AXIN1: variants seen among roughly 807,000 people sequenced by gnomAD.
The protein encoded by AXIN1 is axin 1.
In AXIN1, 30 loss-of-function variants were observed where a neutral mutation model predicts 76.4. That is an observed-to-expected ratio of 0.39 (90% confidence interval 0.29 to 0.53). AXIN1 has a LOEUF of 0.53. Ranked by LOEUF, AXIN1 falls within the 20% of genes least tolerant of loss-of-function variation. The pLI is 0.66. For synonymous variants in AXIN1, 545 were observed against 501.4 expected (o/e 1.09, Z -1.16); for missense variants, 1,140 against 1,198.8 (o/e 0.95, Z 0.72).
intron 5 of AXIN1, among the ~76,000 whole-genome samples, chr16:301,634 A>T (rs925825065): frequency 1.3e-4 from 20 of 152,206 alleles, no homozygotes; most frequent in African/African-American, 4.3e-4. Context: ...CTACAAAAAT[A>T]TTTTTTTTAA....
Position 297,092 on chromosome 16 carries a change from T to C in AXIN1, c.1919A>G (p.Glu640Gly). ...CCTGCGGTGCCTGCTGATCTCCTTT[T>C]CCCCCTCAATGATCCACTGCATGAT... is the stretch of plus-strand genomic sequence containing the variant. ...QKIMQWIIEG[E>G]KEISRHRRTG... Residue 640 changes from glutamate to glycine, a missense_variant, in exon 7 of 11, where the codon GAA becomes GGA. Around this residue, in one of 3 missense-constraint regions of AXIN1, gnomAD observed 429 missense variants for 405.8 expected, o/e 1.06. Transcript: ENST00000262320. The C allele has an allele frequency of 6.2e-7, 1 of 1,612,542 alleles. No individual in the cohort carries two copies. Among genetic ancestry groups the C allele is most frequent in the Non-Finnish European group, 8.5e-7 (1 of 1,179,894 alleles).
Position 293,622 on chromosome 16 carries a change from C to G in AXIN1, c.2052G>C (p.Gln684His), listed in dbSNP as rs755668627. Residue 684 changes from glutamine (Q) to histidine (H), a missense_variant, in exon 8 of 11, where the codon CAG (glutamine) becomes CAC (histidine). Coordinates refer to ENST00000262320, the MANE Select transcript of AXIN1 (RefSeq NM_003502.4). This position sits in a 1 kb window ranked among gnomAD's most constrained non-coding sequence, Gnocchi z 4.6. ...WAGPQLRTSV[Q>H]PSHLFIQDPT... ...GGTCTTGGATGAAGAGGTGGGAGGG[C>G]TGCACGGAGGTCCGGAGCTGAGGGC... The G allele has an allele frequency of 6.2e-7, 1 of 1,613,418 alleles. No individual in the cohort carries two copies. Among genetic ancestry groups the G allele is most frequent in the African/African-American group, 1.3e-5 (1 of 75,012 alleles).
At position 314,694 on chromosome 16, in the gene AXIN1, G is replaced by A. The variant is rs2141594593; in HGVS notation, c.879-11C>T. On this transcript the variant is annotated splice_polypyrimidine_tract_variant and intron_variant, in intron 2 of 10. Transcript: ENST00000262320. The stretch of plus-strand genomic sequence containing the variant: ...CGCCAGGATCCATACCTGCAAACAG[G>A]CAAGCAGGGCATGTTAGTGACAGCC... 2 of 1,613,060 alleles carry A rather than the reference G, an allele frequency of 1.2e-6. No homozygotes were observed. The highest frequency in any genetic ancestry group is 2.2e-5 in the South Asian group (2 of 91,074).
intron 5 of AXIN1, among the ~76,000 whole-genome samples, chr16:302,394 G>T (rs1457495667): frequency 2.6e-5 from 4 of 152,234 alleles, no homozygotes; most frequent in African/African-American, 9.6e-5. Flanking sequence ...TCCACATGGT[G>T]GCAAAACAAT....
At chr16:342,398 G>A (rs1050820225) in intron 2 of AXIN1, among the ~76,000 whole-genome samples, 11 of 152,296 alleles carry the variant, frequency 7.2e-5, no homozygotes, top group African/African-American at 2.2e-4. Context: ...ACACCGGGAC[G>A]ACTAACCGGC....
chr16:288,419 AC>A, intron 10 of AXIN1, 171 bp from the exon 11 acceptor site: 1 of 979,416 alleles, frequency 1.0e-6, no homozygotes, highest in Non-Finnish European at 1.5e-6. Flanking sequence ...CAGTGCAATG[AC>A]CACATGTGGG....
Position 304,181 on chromosome 16 carries a change from G to C in AXIN1, c.1254+123C>G, listed in dbSNP as rs111634891. 2,796 of 1,516,874 alleles carry C rather than the reference G, an allele frequency of 1.8e-3. 31 individuals are homozygous for C. The African/African-American group carries it at 0.027, about 15-fold the overall frequency. The allele number at this position is 1,516,874 out of a possible 1,614,324, so 94.0% of individuals were successfully genotyped here. ...GGGGAACAGGGGACTCAGCCGGGAGGCCTCATGGGTCAGCAGGCCTCGGCC... is the reference window on the plus strand; with the variant it reads ...GGGGAACAGGGGACTCAGCCGGGAGCCCTCATGGGTCAGCAGGCCTCGGCC... On this transcript the variant is annotated intron_variant, in intron 5 of 10. Transcript: ENST00000262320.
chr16:315,354 A>G (rs2053275695), intron 2 of AXIN1, among the ~76,000 whole-genome samples: 1 of 152,160 alleles, frequency 6.6e-6, no homozygotes, highest in Non-Finnish European at 1.5e-5. Context: ...TTATCTGTTC[A>G]TATGGTTTAC....
intron 2 of AXIN1, among the ~76,000 whole-genome samples, chr16:320,815 C>CTACAGCCTCCGCCTCCTGGG (rs1555482208): frequency 7.0e-6 from 1 of 143,570 alleles, no homozygotes; most frequent in African/African-American, 2.7e-5. Flanking sequence ...TCTCGGCTCA[C>CTACAGCCTCCGCCTCCTGGG]TACAACCTCC....
chr16:293,860 G>T lies in AXIN1; in HGVS notation c.1956-142C>A. The T allele has an allele frequency of 1.2e-6, 1 of 800,642 alleles. No homozygotes were observed. 49.6% of individuals were successfully genotyped at this position (800,642 alleles called of 1,614,324 possible). On this transcript the variant is annotated intron_variant, in intron 7 of 10. Transcript: ENST00000262320. This position sits in a 1 kb window ranked among gnomAD's most constrained non-coding sequence, Gnocchi z 4.6. ...CTGGGGCCTGGCCACCAAGCCACAT[G>T]GACGTCCTCCACAGACCACACAATA...
chr16:288,139 C>CTT lies in AXIN1; in HGVS notation c.2570_2571dup (p.Val858LysfsTer81). On this transcript the variant is annotated frameshift_variant, in exon 11 of 11. Coordinates refer to ENST00000262320, the MANE Select transcript of AXIN1 (RefSeq NM_003502.4). LOFTEE classifies it high-confidence loss of function. The stretch of plus-strand genomic sequence containing the variant: ...CCAGCCTATCAGTCCACCTTCTCCA[C>CTT]TTTGCCGATGATCTTCTCCTCAAAG... 6.2e-7 allele frequency: 1 copy of CTT among 1,613,518 alleles called. No homozygotes were observed. The highest frequency in any genetic ancestry group is 8.5e-7 in the Non-Finnish European group (1 of 1,180,012).
At chr16:346,017 C>A (rs746234571) in intron 2 of AXIN1, 131 bp downstream of exon 2, 27 of 874,924 alleles carry the variant, frequency 3.1e-5, no homozygotes, top group Non-Finnish European at 4.2e-5. Flanking sequence ...AAGAACAGAA[C>A]CAAAATTCAA....
intron 10 of AXIN1, 43 bp downstream of exon 10, chr16:289,397 A>C: frequency 6.2e-7 from 1 of 1,610,820 alleles, no homozygotes; most frequent in Non-Finnish European, 8.5e-7. Context: ...TTGGGCACCC[A>C]CATACTCGTG....
chr16:310,044 G>T lies in AXIN1; in HGVS notation c.1045C>A (p.Arg349Ser). The stretch of plus-strand genomic sequence containing the variant: ...TGCATCTCCCTGCGGTGCTGCTTAC[G>T]GATCCTGTATGGGGGGATCCCATCC... ...SVDGIPPYRI[R>S]KQHRREMQES... Residue 349 changes from arginine (R) to serine (S), a missense_variant, in exon 4 of 11, where the codon CGT becomes AGT. Arg to Ser is a moderately radical substitution (Grantham distance 110). This residue lies in a region of AXIN1 where 708 missense variants were observed against 776.9 expected (regional missense o/e 0.91). Transcript: ENST00000262320. 6.2e-7 allele frequency: 1 copy of T among 1,612,700 alleles called. No homozygotes were observed. The highest frequency in any genetic ancestry group is 1.1e-5 in the South Asian group (1 of 90,894).
chr16:320,982 C>CCTG (rs1172579112), intron 2 of AXIN1, among the ~76,000 whole-genome samples: 1 of 152,102 alleles, frequency 6.6e-6, no homozygotes, highest in Non-Finnish European at 1.5e-5. Context: ...TTGTGATCTG[C>CCTG]CCGCCTCGGC....
At chr16:338,547 C>A (rs1035147733) in intron 2 of AXIN1, among the ~76,000 whole-genome samples, 1 of 152,246 alleles carries the variant, frequency 6.6e-6, no homozygotes, top group South Asian at 2.1e-4. Flanking sequence ...TCTGCTGAAA[C>A]CTGTCTGAGA....
intron 2 of AXIN1, among the ~76,000 whole-genome samples, chr16:341,177 C>A (rs539613888): frequency 6.6e-6 from 1 of 152,270 alleles, no homozygotes; most frequent in Non-Finnish European, 1.5e-5. Context: ...ACTTGAGGAG[C>A]CCTTCAGCCC....
At chr16:294,755 C>CAAAA (rs1015576394) in intron 7 of AXIN1, among the ~76,000 whole-genome samples, 40 of 24,752 alleles carry the variant, frequency 1.6e-3, no homozygotes, top group African/African-American at 5.8e-3. Flanking sequence ...AACCCCATCT[C>CAAAA]AAAAAAAAAA....
At chr16:347,143 G>T in intron 1 of AXIN1, 37 bp from the exon 2 acceptor site, 1 of 1,576,042 alleles carries the variant, frequency 6.3e-7, no homozygotes, top group South Asian at 1.1e-5. Flanking sequence ...ATTAGGAAAG[G>T]TGGGTCCATG....
Sources: gnomAD v4.1 joint callset for allele counts (sites outside exome capture counted in the v4.1 genomes callset) on GRCh38, gnomAD v4.1.1 for gene constraint, gnomAD v4.1.1 regional missense constraint, Gnocchi (gnomAD v3.1) non-coding constraint, MANE v1.5 for transcripts, NCBI Gene and HGNC (gene_info 2026-07-23, HGNC 2026-07-21) for gene names.